UNC13C: variants seen among roughly 807,000 people sequenced by gnomAD.
UNC13C encodes unc-13 homolog C, also known as protein unc-13 homolog C.
UNC13C carries 174 observed loss-of-function variants against 245.4 expected under a neutral mutation model. The observed-to-expected ratio is 0.71, with a 90% CI of 0.63 to 0.80. UNC13C has a LOEUF of 0.80. Among genes scored for constraint, UNC13C ranks in the 30% least tolerant of loss-of-function variants. The probability of loss-of-function intolerance (pLI) is 0.00; values close to 1 mark genes in which losing one functional copy is unlikely to be tolerated. For missense variants in UNC13C, 2,829 were observed against 2,602.9 expected, an observed-to-expected ratio of 1.09 and a Z score of -1.89; for synonymous variants, 992 against 895.1, an observed-to-expected ratio of 1.11 and a Z score of -1.93.
At chr15:54,137,631 T>C (rs1320192738) in intron 2 of UNC13C, among the ~76,000 whole-genome samples, 1 of 152,216 alleles carries the variant, frequency 6.6e-6, no homozygotes, top group East Asian at 1.9e-4. Flanking sequence ...AAGTGGTCTC[T>C]TAAGATCCTT....
At chr15:54,150,929 C>G (rs1408829046) in intron 4 of UNC13C, among the ~76,000 whole-genome samples, 1 of 152,034 alleles carries the variant, frequency 6.6e-6, no homozygotes. Flanking sequence ...TTTATGGTGG[C>G]AAAATAATCA....
chr15:54,080,023 T>TTTTTTTTTTTTTTTC (rs1898857755), intron 2 of UNC13C, among the ~76,000 whole-genome samples: 1 of 144,378 alleles, frequency 6.9e-6, no homozygotes. Flanking sequence ...TTTTTTTTTA[T>TTTTTTTTTTTTTTTC]CATAAAGTGA....
chr15:54,128,708 T>A (rs768144849), intron 2 of UNC13C, among the ~76,000 whole-genome samples: 1 of 152,204 alleles, frequency 6.6e-6, no homozygotes, highest in Non-Finnish European at 1.5e-5. Context: ...CCAGGTTCTT[T>A]AGCCTGCCCC....
At chr15:54,472,675 T>G (rs578017745) in intron 19 of UNC13C, among the ~76,000 whole-genome samples, 2 of 152,016 alleles carry the variant, frequency 1.3e-5, no homozygotes, top group South Asian at 4.1e-4. Context: ...TATTATTGGT[T>G]GACAGTTTTT....
At chr15:54,449,414 A>G (rs953380126) in intron 19 of UNC13C, among the ~76,000 whole-genome samples, 1 of 152,252 alleles carries the variant, frequency 6.6e-6, no homozygotes, top group African/African-American at 2.4e-5. Context: ...AGGTACACCA[A>G]TCAGATGTAG....
intron 4 of UNC13C, among the ~76,000 whole-genome samples, chr15:54,171,941 C>A (rs72748215): frequency 0.18 from 27,354 of 151,916 alleles, 3,075 homozygotes; most frequent in Middle Eastern, 0.29. Context: ...AGAATGAGAT[C>A]CTGTCATTTG....
At chr15:54,342,303 A>G (rs995217541) in intron 17 of UNC13C, among the ~76,000 whole-genome samples, 3 of 152,186 alleles carry the variant, frequency 2.0e-5, no homozygotes, top group African/African-American at 4.8e-5. Flanking sequence ...TTTCTAATGC[A>G]TACTATGACA....
rs4600421 is a variant in UNC13C, at chr15:54,147,499, A to G, written c.3071+3815A>G. ...CTCCCAAAGTGCTGGGATTACAGGC[A>G]TGAGCCACTGCGCCCAGCCTGATGA... On this transcript the variant is annotated intron_variant, in intron 4 of 32. Transcript: ENST00000260323. Among the ~76,000 whole-genome samples, 265 of 152,298 alleles carry G rather than the reference A, an allele frequency of 1.7e-3. 1 individual carries two copies. The highest frequency in any genetic ancestry group is 6.3e-3 in the African/African-American group (260 of 41,572).
intron 4 of UNC13C, among the ~76,000 whole-genome samples, chr15:54,215,365 G>T (rs2140762739): frequency 6.6e-6 from 1 of 151,896 alleles, no homozygotes; most frequent in Admixed American, 6.6e-5. Context: ...AATACAATTT[G>T]AAATTCCCTC....
At chr15:54,063,910 C>A (rs1317318800) in intron 2 of UNC13C, among the ~76,000 whole-genome samples, 3 of 152,056 alleles carry the variant, frequency 2.0e-5, no homozygotes. Context: ...TTTTTGGAGG[C>A]ACAAAGGACA....
At chr15:54,616,612 C>T (rs781419732) in intron 30 of UNC13C, among the ~76,000 whole-genome samples, 9 of 151,846 alleles carry the variant, frequency 5.9e-5, no homozygotes, top group Non-Finnish European at 1.3e-4. Context: ...AAAAATTTTA[C>T]AGAATAAGGT....
At chr15:54,364,923 T>C (rs1163518341) in intron 17 of UNC13C, among the ~76,000 whole-genome samples, 3 of 152,214 alleles carry the variant, frequency 2.0e-5, no homozygotes, top group Non-Finnish European at 4.4e-5. Flanking sequence ...GCATAACCAC[T>C]GTGCAGATGA....
At chr15:54,316,226 C>T (rs2038005348) in intron 13 of UNC13C, among the ~76,000 whole-genome samples, 1 of 151,888 alleles carries the variant, frequency 6.6e-6, no homozygotes, top group East Asian at 1.9e-4. Context: ...GTAAACCCCT[C>T]AGACTTATCT....
chr15:53,903,732 G>C, the UNC13C span, among the ~76,000 whole-genome samples: 1 of 152,152 alleles, frequency 6.6e-6, no homozygotes, highest in Non-Finnish European at 1.5e-5. Context: ...CGGAAAATTG[G>C]AGGTCGAAGG....
At chr15:54,482,691 A>G (rs28390153) in intron 19 of UNC13C, among the ~76,000 whole-genome samples, 62,679 of 151,854 alleles carry the variant, frequency 0.41, 13,216 homozygotes, top group East Asian at 0.62. Context: ...TGTGTGGAGG[A>G]GGCAAGTGCC....
At chr15:54,518,512 A>G (rs1387001053) in intron 24 of UNC13C, among the ~76,000 whole-genome samples, 2 of 152,212 alleles carry the variant, frequency 1.3e-5, no homozygotes, top group African/African-American at 4.8e-5. Context: ...ATCTTCTATA[A>G]TAAATCTATT....
intron 17 of UNC13C, among the ~76,000 whole-genome samples, chr15:54,348,893 C>T (rs977832545): frequency 6.6e-6 from 1 of 151,852 alleles, no homozygotes; most frequent in Non-Finnish European, 1.5e-5. Flanking sequence ...TAATATGTCC[C>T]TGACTTTTCT....
intron 30 of UNC13C, among the ~76,000 whole-genome samples, chr15:54,605,193 A>G (rs1018347965): frequency 2.6e-5 from 4 of 152,168 alleles, no homozygotes; most frequent in Non-Finnish European, 5.9e-5. Context: ...GGGTCAAACA[A>G]TCAGCAACCA....
intron 24 of UNC13C, among the ~76,000 whole-genome samples, chr15:54,520,915 C>A (rs557719192): frequency 1.4e-3 from 212 of 152,210 alleles, no homozygotes; most frequent in African/African-American, 5.1e-3. Flanking sequence ...AGGATATTGG[C>A]TAGATGTCAA....
Sources: allele counts gnomAD v4.1 joint callset (sites outside exome capture counted in the v4.1 genomes callset), GRCh38; gene constraint gnomAD v4.1.1; transcripts MANE v1.5; gene names NCBI Gene and HGNC (gene_info 2026-07-23, HGNC 2026-07-21).